The following MAD1L1 variants were observed in gnomAD, a reference collection of about 807,000 sequenced individuals.
MAD1L1 encodes the protein mitotic spindle assembly checkpoint protein MAD1.
In MAD1L1, 95 loss-of-function variants were observed where a neutral mutation model predicts 96.9. That is an observed-to-expected ratio of 0.98 (90% confidence interval 0.83 to 1.16). The LOEUF (loss-of-function observed/expected upper bound fraction) is 1.16. MAD1L1 is among the 50% of genes most tolerant of loss of function. MAD1L1 has a pLI of 0.00. For missense variants in MAD1L1, 1,007 were observed against 954.4 expected, an observed-to-expected ratio of 1.06 and a Z score of -0.73; for synonymous variants, 473 against 396.6, an observed-to-expected ratio of 1.19 and a Z score of -2.29.
intron 10 of MAD1L1, among the ~76,000 whole-genome samples, chr7:2,179,105 T>C (rs1791071899): frequency 1.3e-5 from 2 of 152,124 alleles, no homozygotes; most frequent in Admixed American, 6.5e-5. Flanking sequence ...CTCTGAAAAC[T>C]AACCAAAGGC....
At chr7:2,027,357 G>A (rs1783037297) in intron 12 of MAD1L1, among the ~76,000 whole-genome samples, 1 of 152,054 alleles carries the variant, frequency 6.6e-6, no homozygotes, top group Non-Finnish European at 1.5e-5. Context: ...ATTTTCTAAG[G>A]CCAGAAAAGC....
rs544638660 is a variant in MAD1L1 at position 2,164,972 on chromosome 7, G to A, written c.987-15734C>T. ...CTGAGGGAAGGGGGCATGTTGACCC[G>A]GGAGGGCCAGGAAAGGGCTCTAGCT... is the stretch of plus-strand genomic sequence containing the variant. On this transcript the variant is annotated intron_variant, in intron 10 of 18. Transcript: ENST00000265854. Among the ~76,000 whole-genome samples, 5 of 152,302 alleles carry A rather than the reference G, an allele frequency of 3.3e-5. No homozygotes were observed. In the South Asian group the frequency reaches 8.3e-4, roughly 25 times the overall value.
At chr7:1,927,529 C>A (rs550282159) in intron 17 of MAD1L1, among the ~76,000 whole-genome samples, 214 of 152,242 alleles carry the variant, frequency 1.4e-3, no homozygotes, top group Middle Eastern at 3.4e-3. Flanking sequence ...TAGAAAGAGA[C>A]CCCCATAACG....
intron 18 of MAD1L1, among the ~76,000 whole-genome samples, chr7:1,868,915 G>A (rs1583602378): frequency 6.6e-6 from 1 of 152,306 alleles, no homozygotes; most frequent in East Asian, 1.9e-4. Flanking sequence ...GGACGAAGCT[G>A]AGCACGGAAG....
intron 12 of MAD1L1, among the ~76,000 whole-genome samples, chr7:2,042,607 G>A (rs1429945400): frequency 6.6e-6 from 1 of 152,160 alleles, no homozygotes; most frequent in Non-Finnish European, 1.5e-5. Flanking sequence ...GGATTATGAG[G>A]GCGGATCCCT....
intron 12 of MAD1L1, among the ~76,000 whole-genome samples, chr7:2,055,092 G>T (rs1450269033): frequency 1.3e-5 from 2 of 152,248 alleles, no homozygotes; most frequent in South Asian, 4.1e-4. Context: ...CAGAGACAGA[G>T]GAAGCGGGGC....
chr7:2,013,133 A>G (rs557098148), intron 13 of MAD1L1, among the ~76,000 whole-genome samples: 1 of 152,340 alleles, frequency 6.6e-6, no homozygotes, highest in African/African-American at 2.4e-5. Context: ...TTTCCCTGGC[A>G]CACGGCCCAG....
At chr7:1,941,415 C>T (rs1374879307) in intron 16 of MAD1L1, among the ~76,000 whole-genome samples, 2 of 152,114 alleles carry the variant, frequency 1.3e-5, no homozygotes, top group Non-Finnish European at 2.9e-5. Context: ...GACCAAAAGC[C>T]CAAGCCAGTA....
intron 18 of MAD1L1, chr7:1,817,006 C>T (rs555548162): frequency 1.3e-5 from 2 of 152,446 alleles, no homozygotes; most frequent in South Asian, 4.2e-4. Flanking sequence ...GCCCAGAACT[C>T]CCACAACTCC....
intron 17 of MAD1L1, among the ~76,000 whole-genome samples, chr7:1,910,567 G>A (rs1787951164): frequency 6.6e-6 from 1 of 152,312 alleles, no homozygotes; most frequent in Middle Eastern, 3.4e-3. Flanking sequence ...TCAGGCTTCA[G>A]TTCAGAAAAG....
At chr7:1,892,823 G>A (rs1477874021) in intron 18 of MAD1L1, among the ~76,000 whole-genome samples, 1 of 152,260 alleles carries the variant, frequency 6.6e-6, no homozygotes, top group Non-Finnish European at 1.5e-5. Context: ...GCTGGAACCA[G>A]TGTGTCTCCC....
At chr7:2,049,430 T>C (rs939124334) in intron 12 of MAD1L1, among the ~76,000 whole-genome samples, 1 of 152,242 alleles carries the variant, frequency 6.6e-6, no homozygotes, top group African/African-American at 2.4e-5. Context: ...AGGTGGCTCA[T>C]GCCCACCATG....
chr7:2,152,435 C>T (rs10237191), intron 10 of MAD1L1, among the ~76,000 whole-genome samples: 9,836 of 152,286 alleles, frequency 0.065, 599 homozygotes, highest in African/African-American at 0.15. Context: ...CCGCAGTCAC[C>T]ACTTTGGCTA....
At chr7:2,072,870 C>T (rs1165657967) in intron 11 of MAD1L1, among the ~76,000 whole-genome samples, 6 of 152,228 alleles carry the variant, frequency 3.9e-5, no homozygotes, top group African/African-American at 1.2e-4. Context: ...AGTGAGGGTG[C>T]GCTCACATCT....
At chr7:2,055,620 A>G (rs541200547) in intron 12 of MAD1L1, among the ~76,000 whole-genome samples, 4 of 148,800 alleles carry the variant, frequency 2.7e-5, no homozygotes, top group Non-Finnish European at 4.5e-5. Context: ...CAGTGAGCCG[A>G]GACCACACTA....
rs577916777 is a variant in MAD1L1, at chr7:2,193,759, G to A, written c.986+19453C>T. Among the ~76,000 whole-genome samples, 5 of 152,228 alleles carry A rather than the reference G, an allele frequency of 3.3e-5. No homozygotes were observed. In the East Asian group the frequency reaches 5.8e-4, roughly 18 times the overall value. ...CAGAGCAGGTGCTGAGCCGCGATCC[G>A]GGAGACGCCAGTCTCACCCTAGGCT... On this transcript the variant is annotated intron_variant, in intron 10 of 18. Coordinates refer to ENST00000265854, the MANE Select transcript of MAD1L1 (RefSeq NM_001013836.2).
At chr7:2,202,818 G>A (rs1279732955) in intron 10 of MAD1L1, among the ~76,000 whole-genome samples, 2 of 152,232 alleles carry the variant, frequency 1.3e-5, no homozygotes, top group African/African-American at 2.4e-5. Context: ...CCCTTCCTTA[G>A]AGGAAAATCA....
chr7:2,199,516 T>C (rs1378194399), intron 10 of MAD1L1, among the ~76,000 whole-genome samples: 13 of 152,268 alleles, frequency 8.5e-5, no homozygotes, highest in Admixed American at 7.2e-4. Context: ...CTTTAAATCA[T>C]TGATGGTTTT....
chr7:1,989,754 C>G (rs958016149), intron 14 of MAD1L1, among the ~76,000 whole-genome samples: 3 of 152,218 alleles, frequency 2.0e-5, no homozygotes, highest in African/African-American at 7.2e-5. Flanking sequence ...TCAGCCCCAG[C>G]GTGGCCCGGC....
Sources: allele counts gnomAD v4.1 joint callset (sites outside exome capture counted in the v4.1 genomes callset), GRCh38; gene constraint gnomAD v4.1.1; transcripts MANE v1.5; gene names NCBI Gene and HGNC (gene_info 2026-07-23, HGNC 2026-07-21).